PGAP1: variants seen among roughly 807,000 people sequenced by gnomAD.
PGAP1 encodes the protein post-GPI attachment to proteins inositol deacylase 1, also known as GPI inositol-deacylase.
Under a neutral mutation model 127.0 loss-of-function variants are expected in PGAP1, and 76 were observed. The observed-to-expected ratio is 0.60, with a 90% CI of 0.50 to 0.72. The LOEUF is 0.72. Among genes scored for constraint, PGAP1 ranks in the 30% least tolerant of loss-of-function variants. The pLI is 0.00. For missense variants in PGAP1, 982 were observed against 1,071.3 expected, an observed-to-expected ratio of 0.92 and a Z score of 1.16; for synonymous variants, 362 against 366.5, an observed-to-expected ratio of 0.99 and a Z score of 0.14.
intron 20 of PGAP1, 108 bp from the exon 21 acceptor site, chr2:196,848,145 G>C (rs1049225941): frequency 1.4e-5 from 8 of 588,346 alleles, no homozygotes; most frequent in Admixed American, 3.5e-5. Context: ...AGAAAGTAAG[G>C]GTCTTCATTA....
chr2:196,913,645 A>G (rs1364232506), intron 3 of PGAP1, among the ~76,000 whole-genome samples: 3 of 152,218 alleles, frequency 2.0e-5, no homozygotes, highest in African/African-American at 7.2e-5. Context: ...CCTCAGTCTC[A>G]TTACCAAACT....
chr2:196,879,479 G>C (rs1403543908), intron 13 of PGAP1, among the ~76,000 whole-genome samples: 1 of 152,146 alleles, frequency 6.6e-6, no homozygotes, highest in East Asian at 1.9e-4. Context: ...CGGATCACCT[G>C]AGGTCAAAAG....
intron 10 of PGAP1, among the ~76,000 whole-genome samples, chr2:196,887,362 C>T (rs886319359): frequency 4.6e-5 from 7 of 151,916 alleles, no homozygotes; most frequent in South Asian, 4.2e-4. Context: ...CCAGCCTGGG[C>T]GACAGAGCGA....
At chr2:196,902,849 T>C in intron 4 of PGAP1, 107 bp from the exon 5 acceptor site, 1 of 747,648 alleles carries the variant, frequency 1.3e-6, no homozygotes, top group Non-Finnish European at 2.1e-6. Flanking sequence ...GCTTAAGTCA[T>C]TTCATCTATA....
intron 20 of PGAP1, 136 bp from the exon 21 acceptor site, chr2:196,848,173 C>T: frequency 2.3e-6 from 1 of 438,186 alleles, no homozygotes; most frequent in Non-Finnish European, 3.9e-6. Flanking sequence ...AGAGACTCTT[C>T]TTGAAAGATT....
At chr2:196,886,745 T>C (rs922555721) in intron 10 of PGAP1, among the ~76,000 whole-genome samples, 1 of 152,034 alleles carries the variant, frequency 6.6e-6, no homozygotes, top group African/African-American at 2.4e-5. Flanking sequence ...GTCACCAGGC[T>C]GGAGTGCAGT....
chr2:196,892,451 CAT>C (rs1702132949), intron 8 of PGAP1, 50 bp from the exon 9 acceptor site: 1 of 792,182 alleles, frequency 1.3e-6, no homozygotes, highest in African/African-American at 1.8e-5. Context: ...TTTTATACTA[CAT>C]AGTTTCTTTC....
chr2:196,886,113 C>T (rs1701894747), intron 10 of PGAP1, among the ~76,000 whole-genome samples: 1 of 151,292 alleles, frequency 6.6e-6, no homozygotes, highest in South Asian at 2.1e-4. Context: ...AAGCAGTTAT[C>T]CTGGAGCCAA....
chr2:196,846,003 G>C lies in PGAP1; in HGVS notation c.2165C>G (p.Pro722Arg). ...WLALKRPSEL[P>R]KDIKMISPDL... ...TGGTGATATCATCTTGATATCTTTA[G>C]GAAGTTCAGAGGGTCTGGAATTATA... is the stretch of plus-strand genomic sequence containing the variant. Residue 722 changes from proline (P) to arginine (R), a missense_variant, in exon 23 of 27, where the codon CCT (proline) becomes CGT (arginine). Pro to Arg is a moderately radical substitution (Grantham distance 103, BLOSUM62 -2). Transcript: ENST00000354764. 1.3e-6 allele frequency: 2 copies of C among 1,591,196 alleles called. No individual in the cohort carries two copies. The highest frequency in any genetic ancestry group is 1.7e-6 in the Non-Finnish European group (2 of 1,164,262).
chr2:196,916,887 G>A (rs1337373496), intron 2 of PGAP1, among the ~76,000 whole-genome samples: 1 of 152,130 alleles, frequency 6.6e-6, no homozygotes, highest in African/African-American at 2.4e-5. Flanking sequence ...TAAAAGGGCA[G>A]GATTCTTTGA....
chr2:196,895,357 G>C (rs138595136), intron 7 of PGAP1, among the ~76,000 whole-genome samples: 136 of 152,212 alleles, frequency 8.9e-4, no homozygotes, highest in African/African-American at 3.2e-3. Flanking sequence ...TCACCAGTCG[G>C]AATAAGGTTT....
At chr2:196,916,065 A>G in intron 3 of PGAP1, among the ~76,000 whole-genome samples, 1 of 152,176 alleles carries the variant, frequency 6.6e-6, no homozygotes, top group Admixed American at 6.5e-5. Flanking sequence ...TATCTTGACC[A>G]GTTTTACAGT....
At chr2:196,848,816 A>G (rs1231431860) in intron 20 of PGAP1, among the ~76,000 whole-genome samples, 1 of 152,096 alleles carries the variant, frequency 6.6e-6, no homozygotes, top group Non-Finnish European at 1.5e-5. Context: ...TCTTGGTTAT[A>G]TTCCTAGGAA....
chr2:196,844,653 A>G, intron 23 of PGAP1, 79 bp from the exon 24 acceptor site: 1 of 935,858 alleles, frequency 1.1e-6, no homozygotes, highest in Non-Finnish European at 1.6e-6. Context: ...TAAAAATGAG[A>G]AGCACTGTAA....
In PGAP1 at chr2:196,865,058, G is replaced by T; in HGVS notation, c.1790C>A (p.Ala597Asp). 1 of 1,564,186 alleles carries T rather than the reference G, an allele frequency of 6.4e-7. No homozygotes were observed. Among genetic ancestry groups the T allele is most frequent in the South Asian group, 1.2e-5 (1 of 80,100 alleles). ...ATTAGATACGACATAAGCAGGAAGA[G>T]CTCCACCATGAAATCTAACTACCTA... is the stretch of plus-strand genomic sequence containing the variant. ...LGQVVRFHGG[A>D]LPAYVVSNIL... The change falls in exon 20 of 27, where the codon GCT becomes GAT. Residue 597 changes from alanine (A) to aspartate (D), a missense_variant. Ala to Asp is a moderately radical substitution (Grantham distance 126, BLOSUM62 -2). Transcript: ENST00000354764.
intron 1 of PGAP1, among the ~76,000 whole-genome samples, chr2:196,921,200 AAACAC>A (rs1310205527): frequency 6.6e-6 from 1 of 151,272 alleles, no homozygotes; most frequent in Non-Finnish European, 1.5e-5. Context: ...AAAAAAAAAA[AAACAC>A]ACACACACAA....
At chr2:196,899,100 A>C (rs1250957908) in intron 5 of PGAP1, among the ~76,000 whole-genome samples, 1 of 152,216 alleles carries the variant, frequency 6.6e-6, no homozygotes, top group African/African-American at 2.4e-5. Context: ...TGTGAATAGC[A>C]TCTCACACAG....
At chr2:196,898,242 C>T in intron 6 of PGAP1, 75 bp downstream of exon 6, 1 of 1,036,474 alleles carries the variant, frequency 9.6e-7, no homozygotes, top group South Asian at 1.4e-5. Context: ...GTTAACAAGC[C>T]AATTAAATTA....
rs3795916 is a variant in PGAP1, at chr2:196,872,697, T to C, written c.1620-148A>G. 9.9e-4 allele frequency: 619 copies of C among 628,246 alleles called. 4 individuals are homozygous for C. The East Asian group carries it at 0.01, about 10-fold the overall frequency. The allele number at this position is 628,246 out of a possible 1,614,324, so 38.9% of individuals were successfully genotyped here. On this transcript the variant is annotated intron_variant, in intron 17 of 26. Transcript: ENST00000354764. ...TTGTGGATGGGCACTTTTTCAATGA[T>C]ATCACAATTGTTTGAATGCTCCCTC...
Sources: allele counts gnomAD v4.1 joint callset (sites outside exome capture counted in the v4.1 genomes callset), GRCh38; gene constraint gnomAD v4.1.1; transcripts MANE v1.5; gene names NCBI Gene and HGNC (gene_info 2026-07-23, HGNC 2026-07-21).